RANBP17: variants seen among roughly 807,000 people sequenced by gnomAD.
RANBP17 encodes ran-binding protein 17.
In RANBP17, 158 loss-of-function variants were observed where a neutral mutation model predicts 141.2. The ratio of observed to expected loss-of-function variants is 1.12; its 90% CI spans 0.98 to 1.28. The LOEUF is 1.28. RANBP17 is among the 50% of genes most tolerant of loss of function. The pLI, the probability that RANBP17 is intolerant of heterozygous loss-of-function variation, is 0.00. For missense variants in RANBP17, 1,438 were observed against 1,290.7 expected, an observed-to-expected ratio of 1.11 and a Z score of -1.75; for synonymous variants, 430 against 450.0, an observed-to-expected ratio of 0.96 and a Z score of 0.56.
At chr5:171,131,209 A>G (rs1756892617) in intron 14 of RANBP17, among the ~76,000 whole-genome samples, 1 of 152,210 alleles carries the variant, frequency 6.6e-6, no homozygotes, top group Non-Finnish European at 1.5e-5. Flanking sequence ...CTCTCAAAAT[A>G]TTAGTTCTTT....
intron 14 of RANBP17, among the ~76,000 whole-genome samples, chr5:171,012,612 A>G (rs1193996066): frequency 6.6e-6 from 1 of 152,190 alleles, no homozygotes; most frequent in Non-Finnish European, 1.5e-5. Context: ...TTAAAGTAGA[A>G]ATTGTTAAAT....
intron 25 of RANBP17, chr5:171,271,258 G>A (rs1005260189): frequency 4.6e-6 from 1 of 215,584 alleles, no homozygotes; most frequent in Non-Finnish European, 9.4e-6. Flanking sequence ...CTTTTGTATA[G>A]TGCTCTTCAT....
rs148845908 is a variant in RANBP17, at chr5:171,267,962, A to G, written c.2943+2115A>G. On this transcript the variant is annotated intron_variant, in intron 25 of 27. Transcript: ENST00000523189. ...TTTGTGGTAATGTTTCAGTTAACCA[A>G]TTATTTTCCAGGGATAATGGATGTC... Among the ~76,000 whole-genome samples the G allele has an allele frequency of 6.2e-3, 949 of 152,304 alleles. 12 individuals are homozygous for G. Among genetic ancestry groups the G allele is most frequent in the African/African-American group, 0.018 (739 of 41,556 alleles).
intron 14 of RANBP17, among the ~76,000 whole-genome samples, chr5:171,123,172 C>T (rs1756169845): frequency 6.6e-6 from 1 of 152,178 alleles, no homozygotes; most frequent in African/African-American, 2.4e-5. Context: ...CCTTCAGAGG[C>T]CCTGGAGATT....
At chr5:170,893,548 C>A (rs573188575) in intron 4 of RANBP17, among the ~76,000 whole-genome samples, 3 of 151,984 alleles carry the variant, frequency 2.0e-5, no homozygotes, top group South Asian at 2.1e-4. Context: ...AATCCCAGCA[C>A]TTTGGGAGGC....
chr5:171,144,334 T>TA (rs1181319042), intron 14 of RANBP17, among the ~76,000 whole-genome samples: 11 of 151,426 alleles, frequency 7.3e-5, no homozygotes, highest in African/African-American at 2.4e-4. Flanking sequence ...CCGCTGCCCT[T>TA]ACAGCCTGGG....
At chr5:171,128,737 A>G (rs965015750) in intron 14 of RANBP17, among the ~76,000 whole-genome samples, 1 of 152,160 alleles carries the variant, frequency 6.6e-6, no homozygotes, top group African/African-American at 2.4e-5. Context: ...ATCATTACAC[A>G]TTTTATTCAT....
chr5:171,205,557 G>C lies in RANBP17; in HGVS notation c.2176G>C (p.Gly726Arg). ...GATCGGGCTGGCAAGAGATCTTCGA[G>C]GGATTGCCTTTGCACTGAACACAAA... ...MLIGLARDLR[G>R]IAFALNTKTS... is the part of the protein sequence containing the mutation. The change falls in exon 20 of 28, where the codon GGG becomes CGG. Residue 726 changes from glycine to arginine, a missense_variant. Gly to Arg is a moderately radical substitution (Grantham distance 125). Coordinates refer to ENST00000523189, the MANE Select transcript of RANBP17 (RefSeq NM_022897.5). 4 of 1,614,026 alleles carry C rather than the reference G, an allele frequency of 2.5e-6. No individual in the cohort carries two copies. The highest frequency in any genetic ancestry group is 3.4e-6 in the Non-Finnish European group (4 of 1,179,938).
chr5:171,265,965 T>G (rs1766646383), intron 25 of RANBP17, 118 bp downstream of exon 25: 1 of 748,272 alleles, frequency 1.3e-6, no homozygotes, highest in Middle Eastern at 3.1e-4. Flanking sequence ...GTAAAAAATA[T>G]ATATATATAT....
chr5:170,926,116 A>G (rs191353450), intron 12 of RANBP17, among the ~76,000 whole-genome samples: 16 of 152,260 alleles, frequency 1.1e-4, no homozygotes, highest in Non-Finnish European at 1.8e-4. Context: ...ATCAATCTCT[A>G]TCAGGAAGTG....
intron 5 of RANBP17, among the ~76,000 whole-genome samples, chr5:170,899,597 G>A (rs981287144): frequency 4.6e-5 from 7 of 152,158 alleles, no homozygotes; most frequent in Middle Eastern, 3.4e-3. Context: ...GTCTTGTGCC[G>A]GTTTTCAAAG....
intron 14 of RANBP17, among the ~76,000 whole-genome samples, chr5:171,062,084 G>T (rs557471587): frequency 6.6e-6 from 1 of 151,644 alleles, no homozygotes; most frequent in East Asian, 1.9e-4. Context: ...CCTGAATACA[G>T]CACACTGATG....
chr5:170,986,401 G>A (rs1778143219), intron 14 of RANBP17, among the ~76,000 whole-genome samples: 1 of 151,926 alleles, frequency 6.6e-6, no homozygotes, highest in African/African-American at 2.4e-5. Flanking sequence ...TGTAACTATA[G>A]TGAACAATAA....
intron 22 of RANBP17, 45 bp from the exon 23 acceptor site, chr5:171,240,883 G>A (rs1764834945): frequency 7.8e-7 from 1 of 1,287,312 alleles, no homozygotes; most frequent in Non-Finnish European, 1.1e-6. Context: ...TAACTACTTT[G>A]AATGACATCT....
chr5:171,036,418 T>C (rs1781885081), intron 14 of RANBP17, among the ~76,000 whole-genome samples: 1 of 152,166 alleles, frequency 6.6e-6, no homozygotes, highest in South Asian at 2.1e-4. Flanking sequence ...ACTTTTTCCT[T>C]TTGTTCTTAC....
At chr5:171,258,112 A>C (rs1229362906) in intron 24 of RANBP17, among the ~76,000 whole-genome samples, 1 of 127,434 alleles carries the variant, frequency 7.8e-6, no homozygotes, top group Non-Finnish European at 1.6e-5. Flanking sequence ...ATCTAAAAAA[A>C]AAAAATACAC....
chr5:170,993,967 A>G (rs1311601187), intron 14 of RANBP17, among the ~76,000 whole-genome samples: 1 of 152,036 alleles, frequency 6.6e-6, no homozygotes, highest in Non-Finnish European at 1.5e-5. Context: ...TATAATGCAT[A>G]TTGGCATGTT....
At position 171,287,738 on chromosome 5, in the gene RANBP17, G is replaced by C. The variant is rs372511579; in HGVS notation, c.2944-6145G>C. Among the ~76,000 whole-genome samples, 198 of 151,596 alleles carry C rather than the reference G, an allele frequency of 1.3e-3. 9 individuals are homozygous for C. In the South Asian group the frequency reaches 0.04, roughly 31 times the overall value. The stretch of plus-strand genomic sequence containing the variant: ...TTTTTTGTTGTTGCTGTTGTTTTTT[G>C]TTTTTTGAGATGGAGTCTCACTCTG... On this transcript the variant is annotated intron_variant, in intron 25 of 27. Transcript: ENST00000523189.
At position 171,169,847 on chromosome 5, in the gene RANBP17, GAAA is replaced by G. The variant is rs536105107; in HGVS notation, c.1711-273_1711-271del. On this transcript the variant is annotated intron_variant, in intron 14 of 27. Coordinates refer to ENST00000523189, the MANE Select transcript of RANBP17 (RefSeq NM_022897.5). ...AGAAAGGGGTGGTCTACCACTTTGA[GAAA>G]AAAAAAAAATGTGTGTGGTGTGGTG... 1.4e-4 allele frequency among the ~76,000 whole-genome samples: 20 copies of G among 142,946 alleles called. No individual in the cohort carries two copies. The East Asian group carries it at 3.8e-3, about 27-fold the overall frequency. The allele number at this position is 142,946 out of a possible 152,430, so 93.8% of individuals were successfully genotyped here. A position where few individuals can be genotyped will look rare whatever the true frequency, so the allele number is the denominator to read the frequency against.
Sources: gnomAD v4.1 joint callset for allele counts (sites outside exome capture counted in the v4.1 genomes callset) on GRCh38, gnomAD v4.1.1 for gene constraint, MANE v1.5 for transcripts, NCBI Gene and HGNC (gene_info 2026-07-23, HGNC 2026-07-21) for gene names.